Variants in MSH4 observed in about 807,000 individuals in gnomAD.
MSH4 encodes mutS protein homolog 4.
A neutral mutation model predicts 113.7 loss-of-function variants in MSH4; 106 were observed. That is an observed-to-expected ratio of 0.93 (90% CI 0.80 to 1.10). The LOEUF (loss-of-function observed/expected upper bound fraction) is 1.10, where lower values mean the gene tolerates loss of function less well. Among genes scored for constraint, MSH4 ranks in the 50% least tolerant of loss-of-function variants. The probability of loss-of-function intolerance (pLI) is 0.00; values close to 1 mark genes in which losing one functional copy is unlikely to be tolerated. For synonymous variants in MSH4, 368 were observed against 380.2 expected, an observed-to-expected ratio of 0.97 and a Z score of 0.37; for missense variants, 1,061 against 1,093.7, an observed-to-expected ratio of 0.97 and a Z score of 0.42.
intron 7 of MSH4, among the ~76,000 whole-genome samples, chr1:75,835,223 A>G (rs1406585362): frequency 6.6e-6 from 1 of 152,156 alleles, no homozygotes; most frequent in African/African-American, 2.4e-5. Flanking sequence ...AATACCTTTA[A>G]TTAGCGTAAT....
At chr1:75,818,933 T>G (rs757224338) in intron 6 of MSH4, among the ~76,000 whole-genome samples, 1 of 151,912 alleles carries the variant, frequency 6.6e-6, no homozygotes, top group Non-Finnish European at 1.5e-5. Flanking sequence ...CAGCTAATTT[T>G]TTTTTTGTAT....
At chr1:75,878,934 T>C in intron 11 of MSH4, 58 bp from the exon 12 acceptor site, 1 of 1,453,080 alleles carries the variant, frequency 6.9e-7, no homozygotes, top group Non-Finnish European at 9.5e-7. Flanking sequence ...GAGTGATTTT[T>C]CTCATTAAAA....
intron 19 of MSH4, 42 bp downstream of exon 19, chr1:75,899,748 A>C: frequency 8.8e-7 from 1 of 1,134,182 alleles, no homozygotes; most frequent in Non-Finnish European, 1.2e-6. Flanking sequence ...ATTAAAAAAA[A>C]TACTTTTAGT....
chr1:75,833,040 C>T (rs1265983005), intron 7 of MSH4, among the ~76,000 whole-genome samples: 7 of 152,154 alleles, frequency 4.6e-5, no homozygotes, highest in African/African-American at 1.2e-4. Flanking sequence ...AAAAACCCAT[C>T]GTCTCAGCCC....
In MSH4 at chr1:75,856,427, A is replaced by T. The variant is rs373898317; in HGVS notation, c.1230+8151A>T. On this transcript the variant is annotated intron_variant, in intron 8 of 19. Transcript: ENST00000263187. ...TACATTAGGTATTTTTCCTAATGTT[A>T]TCGCTCCCCTAGCCCTCCACCCCCG... is the stretch of plus-strand genomic sequence containing the variant. Among the ~76,000 whole-genome samples, 276 of 152,168 alleles carry T rather than the reference A, an allele frequency of 1.8e-3. 1 individual carries two copies. The highest frequency in any genetic ancestry group is 6.2e-3 in the African/African-American group (257 of 41,500).
Position 75,912,918 on chromosome 1 carries a change from T to C in MSH4, c.*31T>C. ...ATTCTAATGTAATAATATATCTTAATTCAAGGAACCTAGAATTTATTTTTC... is the reference window on the plus strand; with the variant it reads ...ATTCTAATGTAATAATATATCTTAACTCAAGGAACCTAGAATTTATTTTTC... On this transcript the variant is annotated 3_prime_UTR_variant, in exon 20 of 20. Coordinates refer to ENST00000263187, the MANE Select transcript of MSH4 (RefSeq NM_002440.4). 1 of 1,319,274 alleles carries C rather than the reference T, an allele frequency of 7.6e-7. No individual in the cohort carries two copies. Among genetic ancestry groups the C allele is most frequent in the South Asian group, 2.0e-5 (1 of 50,544 alleles). 81.7% of individuals were successfully genotyped at this position (1,319,274 alleles called of 1,614,324 possible). A position where few individuals can be genotyped will look rare whatever the true frequency, so the allele number is the denominator to read the frequency against.
At chr1:75,843,339 C>T (rs1165650065) in intron 7 of MSH4, among the ~76,000 whole-genome samples, 2 of 152,170 alleles carry the variant, frequency 1.3e-5, no homozygotes, top group South Asian at 2.1e-4. Flanking sequence ...TACACTCTCT[C>T]GTTGCTGCAC....
At chr1:75,833,341 G>C (rs1404963327) in intron 7 of MSH4, among the ~76,000 whole-genome samples, 1 of 152,164 alleles carries the variant, frequency 6.6e-6, no homozygotes. Flanking sequence ...AATCAATATT[G>C]TGAAAATTGC....
chr1:75,827,664 C>CAA (rs201976546), intron 7 of MSH4, among the ~76,000 whole-genome samples: 9,488 of 118,142 alleles, frequency 0.08, 520 homozygotes, highest in East Asian at 0.25. Context: ...AAATGGAAAG[C>CAA]AAAAAAAAAA....
At chr1:75,835,730 T>C (rs1650813447) in intron 7 of MSH4, among the ~76,000 whole-genome samples, 1 of 152,218 alleles carries the variant, frequency 6.6e-6, no homozygotes, top group Non-Finnish European at 1.5e-5. Flanking sequence ...TCATCTTTTC[T>C]AGCTACCACT....
intron 17 of MSH4, among the ~76,000 whole-genome samples, chr1:75,891,697 A>C (rs764612657): frequency 1.9e-4 from 29 of 152,084 alleles, no homozygotes; most frequent in Middle Eastern, 3.4e-3. Flanking sequence ...CAAGTGATCC[A>C]CTCACTTCAG....
intron 19 of MSH4, among the ~76,000 whole-genome samples, chr1:75,910,758 A>G (rs1332948914): frequency 6.6e-6 from 1 of 152,054 alleles, no homozygotes; most frequent in East Asian, 1.9e-4. Flanking sequence ...ATCTTAATCT[A>G]TGTTTAAAAG....
rs561877335 is a variant in MSH4 at position 75,912,413 on chromosome 1, T to G, written c.2620-283T>G. Among the ~76,000 whole-genome samples the G allele has an allele frequency of 1.6e-3, 238 of 152,248 alleles. 2 individuals carry two copies. The highest frequency in any genetic ancestry group is 5.6e-3 in the African/African-American group (231 of 41,556). On this transcript the variant is annotated intron_variant, in intron 19 of 19. Transcript: ENST00000263187. ...GTATTATGTTGAGAAATCTGACCTA[T>G]TTAGCATAATTTTTTTCATTGAAAA... is the stretch of plus-strand genomic sequence containing the variant.
At chr1:75,859,740 T>G (rs529397545) in intron 8 of MSH4, among the ~76,000 whole-genome samples, 31 of 152,230 alleles carry the variant, frequency 2.0e-4, no homozygotes, top group African/African-American at 7.0e-4. Flanking sequence ...ATATTCTGTT[T>G]ATTTGGGGTG....
At chr1:75,884,197 C>G (rs1038622553) in intron 15 of MSH4, among the ~76,000 whole-genome samples, 1 of 152,010 alleles carries the variant, frequency 6.6e-6, no homozygotes, top group Admixed American at 6.6e-5. Flanking sequence ...TTTAATAATC[C>G]ATGTGAGTTT....
At chr1:75,884,055 G>A (rs1206974120) in intron 15 of MSH4, among the ~76,000 whole-genome samples, 1 of 152,046 alleles carries the variant, frequency 6.6e-6, no homozygotes, top group East Asian at 1.9e-4. Context: ...GGATACTACA[G>A]AATTGGGAAC....
chr1:75,817,600 T>G (rs1650320218), intron 6 of MSH4, among the ~76,000 whole-genome samples: 2 of 152,176 alleles, frequency 1.3e-5, no homozygotes, highest in Non-Finnish European at 2.9e-5. Flanking sequence ...AAGGAACAAT[T>G]GAAAAGTCTT....
intron 1 of MSH4, 112 bp downstream of exon 1, chr1:75,797,341 G>A (rs1649839805): frequency 5.7e-6 from 8 of 1,397,572 alleles, no homozygotes; most frequent in Non-Finnish European, 7.6e-6. Flanking sequence ...TTTGGTTGGG[G>A]CGTGAGATCT....
intron 17 of MSH4, among the ~76,000 whole-genome samples, chr1:75,897,683 G>A (rs908422937): frequency 1.3e-5 from 2 of 151,718 alleles, no homozygotes; most frequent in African/African-American, 2.4e-5. Context: ...TGGCATACAC[G>A]TCTGTGCACA....
Sources: gnomAD v4.1 joint callset for allele counts (sites outside exome capture counted in the v4.1 genomes callset) on GRCh38, gnomAD v4.1.1 for gene constraint, MANE v1.5 for transcripts, NCBI Gene and HGNC (gene_info 2026-07-23, HGNC 2026-07-21) for gene names.